Variants in KLHL20 observed in about 807,000 individuals in gnomAD.
KLHL20 encodes the protein kelch like family member 20, also known as kelch-like protein 20.
KLHL20 carries 29 observed loss-of-function variants against 69.5 expected under a neutral mutation model. That is an observed-to-expected ratio of 0.42 (90% CI 0.31 to 0.57). The LOEUF is 0.57. KLHL20 is among the 20% of genes least tolerant of loss of function. KLHL20 has a pLI of 0.18. For synonymous variants in KLHL20, 253 were observed against 265.2 expected (o/e 0.95, Z 0.45); for missense variants, 419 against 776.0 (o/e 0.54, Z 5.47).
Position 173,741,759 on chromosome 1 carries a change from AATTCCTACTTC to A in KLHL20, c.597+7476_597+7486del, listed in dbSNP as rs1672818831. 2.8e-6 allele frequency: 4 copies of A among 1,444,664 alleles called. No individual in the cohort carries two copies. The African/African-American group carries it at 5.6e-5, about 20-fold the overall frequency. The allele number at this position is 1,444,664 out of a possible 1,614,324, so 89.5% of individuals were successfully genotyped here. On this transcript the variant is annotated intron_variant, in intron 3 of 11. Transcript: ENST00000209884. Reference sequence around the variant, plus strand: ...GAAGAAATGCCTGGTTCAGAGCCCCAATTCCTACTTCATGGATGTGGAATGCCCAGGATGCT... The same window carrying A: ...GAAGAAATGCCTGGTTCAGAGCCCCAATGGATGTGGAATGCCCAGGATGCT...
At chr1:173,784,715 G>A (rs1164976616) in intron 11 of KLHL20, among the ~76,000 whole-genome samples, 2 of 152,154 alleles carry the variant, frequency 1.3e-5, no homozygotes, top group Non-Finnish European at 2.9e-5. Flanking sequence ...ACTTGAAGAG[G>A]CTTACAGAGT....
chr1:173,757,613 C>T (rs1296435488), intron 7 of KLHL20, among the ~76,000 whole-genome samples: 2 of 148,094 alleles, frequency 1.4e-5, no homozygotes, highest in Non-Finnish European at 3.0e-5. Context: ...TGCAGTGAGC[C>T]GAGATCACGC....
chr1:173,785,129 G>A (rs1337002097), intron 11 of KLHL20, 34 bp from the exon 12 acceptor site: 2 of 1,545,798 alleles, frequency 1.3e-6, no homozygotes, highest in Non-Finnish European at 1.8e-6. Context: ...ATATTTTCCA[G>A]TTAGAAAATA....
intron 2 of KLHL20, among the ~76,000 whole-genome samples, chr1:173,722,785 G>T (rs1671773802): frequency 6.6e-6 from 1 of 151,434 alleles, no homozygotes; most frequent in South Asian, 2.1e-4. Context: ...TGCCTCCCAG[G>T]TTCAAGCAAT....
At chr1:173,746,788 A>C (rs1345622840) in intron 3 of KLHL20, among the ~76,000 whole-genome samples, 2 of 151,764 alleles carry the variant, frequency 1.3e-5, no homozygotes, top group African/African-American at 4.8e-5. Context: ...CTTTTGGCTT[A>C]TTCTTTTTCT....
At chr1:173,766,696 G>A (rs989717552) in intron 8 of KLHL20, among the ~76,000 whole-genome samples, 7 of 151,324 alleles carry the variant, frequency 4.6e-5, no homozygotes, top group African/African-American at 1.7e-4. Context: ...GGACATTGGA[G>A]GATCCACTAT....
At chr1:173,723,698 AC>A (rs1671818284) in intron 2 of KLHL20, among the ~76,000 whole-genome samples, 1 of 152,192 alleles carries the variant, frequency 6.6e-6, no homozygotes, top group Admixed American at 6.5e-5. Flanking sequence ...CATGAGGCTG[AC>A]CTAAAACTCA....
At chr1:173,736,664 C>T (rs998915374) in intron 3 of KLHL20, among the ~76,000 whole-genome samples, 4 of 151,716 alleles carry the variant, frequency 2.6e-5, no homozygotes, top group African/African-American at 7.3e-5. Context: ...GGCATGATCT[C>T]GGCTCACTGC....
At chr1:173,758,843 G>GT (rs1673667673) in intron 7 of KLHL20, among the ~76,000 whole-genome samples, 1 of 152,198 alleles carries the variant, frequency 6.6e-6, no homozygotes, top group Non-Finnish European at 1.5e-5. Context: ...GCTGAACTTT[G>GT]TAACAATTTG....
chr1:173,723,124 C>T (rs992633606), intron 2 of KLHL20, among the ~76,000 whole-genome samples: 1 of 152,186 alleles, frequency 6.6e-6, no homozygotes, highest in African/African-American at 2.4e-5. Flanking sequence ...GTGACAATAA[C>T]ACTTTACTTT....
rs192908893 is a variant in KLHL20 at position 173,778,393 on chromosome 1, A to G, written c.1638+2551A>G. On this transcript the variant is annotated intron_variant, in intron 10 of 11. Transcript: ENST00000209884. ...ACCAAGGTTGGAGTGCAATGATACA[A>G]TGTCGGCTCATTGCATCCTCCACCT... 1.1e-4 allele frequency among the ~76,000 whole-genome samples: 17 copies of G among 152,178 alleles called. No homozygotes were observed. In the East Asian group the frequency reaches 2.9e-3, roughly 26 times the overall value.
At chr1:173,737,297 G>T (rs1672581450) in intron 3 of KLHL20, among the ~76,000 whole-genome samples, 1 of 152,166 alleles carries the variant, frequency 6.6e-6, no homozygotes, top group Non-Finnish European at 1.5e-5. Flanking sequence ...CTCTTTGCCT[G>T]AGCCAATGTC....
At position 173,733,821 on chromosome 1, in the gene KLHL20, C is replaced by G. The variant is rs1183830662; in HGVS notation, c.132C>G (p.Pro44=). 3.8e-5 allele frequency: 62 copies of G among 1,614,004 alleles called. No individual in the cohort carries two copies. The highest frequency in any genetic ancestry group is 5.0e-5 in the Non-Finnish European group (59 of 1,180,034). Residue 44 remains proline (P), a synonymous_variant, in exon 3 of 12, where the codon CCC becomes CCG. Transcript: ENST00000209884. The part of the protein sequence containing the change: ...PEGVPQPARM[P]YISDKHPRQT... Reference sequence around the variant, plus strand: ...GGGTTCCCCAACCTGCCCGCATGCCCTATATCTCAGACAAGCACCCTCGAC... The same window carrying G: ...GGGTTCCCCAACCTGCCCGCATGCCGTATATCTCAGACAAGCACCCTCGAC...
intron 8 of KLHL20, 26 bp downstream of exon 8, chr1:173,766,315 C>T (rs1218683278): frequency 5.1e-6 from 8 of 1,557,000 alleles, no homozygotes; most frequent in Admixed American, 2.1e-5. Context: ...AGTCATTTTC[C>T]GTATTTTTAT....
chr1:173,737,958 T>G (rs1408805150), intron 3 of KLHL20, among the ~76,000 whole-genome samples: 1 of 152,026 alleles, frequency 6.6e-6, no homozygotes, highest in East Asian at 1.9e-4. Flanking sequence ...TCTTTTTTTT[T>G]TTTTTTGCAG....
intron 3 of KLHL20, among the ~76,000 whole-genome samples, chr1:173,748,577 A>G (rs1477653306): frequency 2.6e-5 from 4 of 152,126 alleles, no homozygotes; most frequent in Non-Finnish European, 5.9e-5. Context: ...CTGTTTTCAA[A>G]TACCAAATCC....
chr1:173,767,968 G>T (rs561397678), intron 8 of KLHL20, among the ~76,000 whole-genome samples: 21 of 152,088 alleles, frequency 1.4e-4, no homozygotes, highest in African/African-American at 4.3e-4. Flanking sequence ...CACACTGATT[G>T]TACCTAACAT....
rs1649206199 is a variant in KLHL20, at chr1:173,786,439, A to G, written c.*1192A>G. On this transcript the variant is annotated 3_prime_UTR_variant, in exon 12 of 12. Transcript: ENST00000209884. ...AGTTTTTTTTCCTCATTGTATTCAT[A>G]GACAAATTTTTTTCAATATATTTTG... 1 of 152,614 alleles carries G rather than the reference A, an allele frequency of 6.6e-6. No individual in the cohort carries two copies. The highest frequency in any genetic ancestry group is 2.4e-5 in the African/African-American group (1 of 41,458). The allele number at this position is 152,614 out of a possible 1,614,324, so 9.5% of individuals were successfully genotyped here.
chr1:173,781,853 A>G, intron 10 of KLHL20: 1 of 273,906 alleles, frequency 3.7e-6, no homozygotes, highest in Non-Finnish European at 7.0e-6. Context: ...AGCAGTTTGG[A>G]GGTTGTTTGC....
Sources: allele counts gnomAD v4.1 joint callset (sites outside exome capture counted in the v4.1 genomes callset), GRCh38; gene constraint gnomAD v4.1.1; transcripts MANE v1.5; gene names NCBI Gene and HGNC (gene_info 2026-07-23, HGNC 2026-07-21).